The following EYS variants were observed in gnomAD, a reference collection of about 807,000 sequenced individuals.
EYS encodes EGF-like photoreceptor maintenance factor.
EYS carries 250 observed loss-of-function variants against 282.1 expected under a neutral mutation model. The ratio of observed to expected loss-of-function variants is 0.89; its 90% CI spans 0.80 to 0.98. The LOEUF (loss-of-function observed/expected upper bound fraction) is 0.98. EYS is among the 50% of genes least tolerant of loss of function. EYS has a pLI of 0.00. For missense variants in EYS, 4,016 were observed against 3,709.0 expected, an observed-to-expected ratio of 1.08 and a Z score of -2.15; for synonymous variants, 1,355 against 1,282.9, an observed-to-expected ratio of 1.06 and a Z score of -1.20.
At chr6:65,516,430 A>G (rs530926715) in intron 2 of EYS, among the ~76,000 whole-genome samples, 8 of 152,062 alleles carry the variant, frequency 5.3e-5, no homozygotes, top group Non-Finnish European at 1.5e-5. Context: ...ATGAAGGGAG[A>G]AATTATGACA....
chr6:64,951,773 C>A (rs955938381), intron 14 of EYS, among the ~76,000 whole-genome samples: 20 of 151,410 alleles, frequency 1.3e-4, no homozygotes, highest in Admixed American at 7.9e-4. Context: ...AAAAGATATA[C>A]AGATTGAAAT....
chr6:65,163,662 A>G (rs1419281452), intron 12 of EYS, among the ~76,000 whole-genome samples: 1 of 151,272 alleles, frequency 6.6e-6, no homozygotes, highest in African/African-American at 2.4e-5. Context: ...GCCAAAGCTC[A>G]TCCGATTCCT....
intron 26 of EYS, among the ~76,000 whole-genome samples, chr6:64,517,837 G>C (rs905404661): frequency 1.2e-4 from 18 of 151,970 alleles, no homozygotes; most frequent in African/African-American, 4.3e-4. Flanking sequence ...CCCCAGAAAA[G>C]TATCTACAAG....
At chr6:64,346,541 A>C (rs1321875212) in intron 29 of EYS, among the ~76,000 whole-genome samples, 1 of 147,192 alleles carries the variant, frequency 6.8e-6, no homozygotes, top group Non-Finnish European at 1.5e-5. Context: ...ATCACACACC[A>C]GGGATTGTTG....
At chr6:64,422,536 A>C (rs1225807444) in intron 28 of EYS, among the ~76,000 whole-genome samples, 1 of 152,196 alleles carries the variant, frequency 6.6e-6, no homozygotes, top group Non-Finnish European at 1.5e-5. Flanking sequence ...TCAGGGAGGA[A>C]ACATGGAACT....
intron 36 of EYS, among the ~76,000 whole-genome samples, chr6:63,858,139 A>G (rs921374450): frequency 6.6e-5 from 10 of 152,200 alleles, no homozygotes; most frequent in African/African-American, 2.2e-4. Flanking sequence ...TGCCAAAACT[A>G]TTAAGAATTT....
intron 5 of EYS, among the ~76,000 whole-genome samples, chr6:65,445,263 CTT>C (rs1768610037): frequency 6.6e-6 from 1 of 151,822 alleles, no homozygotes; most frequent in Admixed American, 6.6e-5. Flanking sequence ...AAAATGATCA[CTT>C]TTATTAATCC....
At chr6:64,493,489 A>G (rs1442032509) in intron 26 of EYS, among the ~76,000 whole-genome samples, 1 of 151,594 alleles carries the variant, frequency 6.6e-6, no homozygotes, top group Non-Finnish European at 1.5e-5. Context: ...CTTCGTTAAA[A>G]GGAAATGTTA....
At chr6:64,803,732 G>T (rs561140223) in intron 22 of EYS, among the ~76,000 whole-genome samples, 31 of 152,220 alleles carry the variant, frequency 2.0e-4, no homozygotes, top group Non-Finnish European at 3.8e-4. Flanking sequence ...GGCCAGGGCG[G>T]CAGAGGGCTG....
chr6:64,278,369 ATTAT>A (rs1768185539), intron 30 of EYS, among the ~76,000 whole-genome samples: 1 of 152,146 alleles, frequency 6.6e-6, no homozygotes, highest in Non-Finnish European at 1.5e-5. Flanking sequence ...TAATAATGAA[ATTAT>A]TCATTCTTAT....
rs145959249 is a variant in EYS at position 64,157,401 on chromosome 6, G to A, written c.6424+73191C>T. On this transcript the variant is annotated intron_variant, in intron 31 of 42. Coordinates refer to ENST00000503581, the MANE Select transcript of EYS (RefSeq NM_001142800.2). Reference sequence around the variant, plus strand: ...AGAAAAGAAAAACCCATTTTCTGAGGAGAAATTGAAGCCAGCTGCAGGAAT... The same window carrying A: ...AGAAAAGAAAAACCCATTTTCTGAGAAGAAATTGAAGCCAGCTGCAGGAAT... 3.0e-3 allele frequency among the ~76,000 whole-genome samples: 450 copies of A among 152,320 alleles called. 3 individuals carry two copies. The highest frequency in any genetic ancestry group is 0.01 in the African/African-American group (430 of 41,578).
chr6:64,300,080 T>C (rs1381262807), intron 30 of EYS, among the ~76,000 whole-genome samples: 1 of 152,154 alleles, frequency 6.6e-6, no homozygotes, highest in African/African-American at 2.4e-5. Context: ...GCAAGTGGCA[T>C]TAGAAGGGGA....
intron 40 of EYS, among the ~76,000 whole-genome samples, chr6:63,766,413 T>A (rs960366630): frequency 2.0e-5 from 3 of 152,014 alleles, no homozygotes; most frequent in African/African-American, 7.2e-5. Flanking sequence ...TAAGTTTTCA[T>A]TGACTATTCA....
At chr6:64,407,354 G>A (rs1308786514) in intron 28 of EYS, among the ~76,000 whole-genome samples, 4 of 152,098 alleles carry the variant, frequency 2.6e-5, no homozygotes, top group Admixed American at 6.6e-5. Context: ...TGTAGATGAC[G>A]GGTTGATGGG....
intron 30 of EYS, among the ~76,000 whole-genome samples, chr6:64,235,101 T>C (rs1766550678): frequency 6.6e-6 from 1 of 151,734 alleles, no homozygotes; most frequent in Admixed American, 6.6e-5. Flanking sequence ...TTTTAATTAT[T>C]ATCATACTTT....
chr6:64,641,513 A>T (rs772325236), intron 22 of EYS, among the ~76,000 whole-genome samples: 1 of 152,214 alleles, frequency 6.6e-6, no homozygotes, highest in Non-Finnish European at 1.5e-5. Flanking sequence ...CCATGCATCA[A>T]AATAGCATCA....
At chr6:64,912,391 C>T (rs1265706371) in intron 16 of EYS, 93 bp downstream of exon 16, 9 of 1,148,504 alleles carry the variant, frequency 7.8e-6, no homozygotes, top group African/African-American at 1.5e-5. Context: ...TTTTTCCAAC[C>T]CATTTTAGGA....
intron 31 of EYS, among the ~76,000 whole-genome samples, chr6:64,097,419 C>T (rs553196651): frequency 6.6e-6 from 1 of 152,318 alleles, no homozygotes; most frequent in Non-Finnish European, 1.5e-5. Context: ...AGCTTCCTGG[C>T]TGCTTTATTT....
At chr6:63,796,779 T>C (rs1228049447) in intron 37 of EYS, among the ~76,000 whole-genome samples, 1 of 152,234 alleles carries the variant, frequency 6.6e-6, no homozygotes, top group African/African-American at 2.4e-5. Context: ...CTGGTAAAGA[T>C]AACACCTCAT....
Sources: gnomAD v4.1 joint callset for allele counts (sites outside exome capture counted in the v4.1 genomes callset) on GRCh38, gnomAD v4.1.1 for gene constraint, MANE v1.5 for transcripts, NCBI Gene and HGNC (gene_info 2026-07-23, HGNC 2026-07-21) for gene names.